Variants in CACNA1B observed in about 807,000 individuals in gnomAD.
CACNA1B encodes voltage-dependent N-type calcium channel subunit alpha-1B.
CACNA1B carries 70 observed loss-of-function variants against 247.2 expected under a neutral mutation model. The ratio of observed to expected loss-of-function variants is 0.28; its 90% confidence interval spans 0.23 to 0.35. The LOEUF is 0.35. CACNA1B is among the 10% of genes least tolerant of loss of function. The pLI is 1.00. For missense variants in CACNA1B, 2,367 were observed against 3,197.4 expected (o/e 0.74, Z 6.26); for synonymous variants, 1,231 against 1,294.4 (o/e 0.95, Z 1.05).
At position 137,880,240 on chromosome 9, in the gene CACNA1B, A is replaced by T. The variant is rs1446172160; in HGVS notation, c.390+1081A>T. Among the ~76,000 whole-genome samples the T allele has an allele frequency of 2.6e-5, 4 of 151,820 alleles. No homozygotes were observed. Among genetic ancestry groups the T allele is most frequent in the Non-Finnish European group, 5.9e-5 (4 of 67,962 alleles). On this transcript the variant is annotated intron_variant, in intron 2 of 46. Transcript: ENST00000371372. This position sits in a 1 kb window ranked among gnomAD's most constrained non-coding sequence, Gnocchi z 4.8. ...AGGTGAGTTATGGGTGGCCGAGGTG[A>T]GGAGGTCTTAATGGAGCACAGTCTG... is the stretch of plus-strand genomic sequence containing the variant.
intron 3 of CACNA1B, among the ~76,000 whole-genome samples, chr9:137,903,587 G>C (rs570144168): frequency 6.6e-6 from 1 of 152,250 alleles, no homozygotes; most frequent in East Asian, 1.9e-4. Flanking sequence ...TAGTTTTCCA[G>C]ATAGATTTTG....
intron 3 of CACNA1B, among the ~76,000 whole-genome samples, chr9:137,902,214 A>G (rs1378613468): frequency 6.6e-6 from 1 of 152,084 alleles, no homozygotes; most frequent in East Asian, 1.9e-4. Flanking sequence ...AAATTTCTCC[A>G]TTAACGTTTA....
At position 137,913,392 on chromosome 9, in the gene CACNA1B, C is replaced by A; in HGVS notation, c.622+121C>A. On this transcript the variant is annotated intron_variant, in intron 4 of 46. Transcript: ENST00000371372. The surrounding 1 kb of genome is among the most constrained non-coding windows in gnomAD (Gnocchi z 5.2). ...GTGACTCTGAGCTTGCCACTTTTGA[C>A]CCCAGGGAACCAGGCAGGAGGAAGG... 1.4e-6 allele frequency: 1 copy of A among 709,094 alleles called. No individual in the cohort carries two copies. The highest frequency in any genetic ancestry group is 2.4e-6 in the Non-Finnish European group (1 of 421,606). 43.9% of individuals were successfully genotyped at this position (709,094 alleles called of 1,614,324 possible).
Position 137,972,310 on chromosome 9 carries a change from G to T in CACNA1B, c.1543+718G>T, listed in dbSNP as rs181790848. 5.8e-4 allele frequency among the ~76,000 whole-genome samples: 89 copies of T among 152,256 alleles called. 1 individual carries two copies. Among genetic ancestry groups the T allele is most frequent in the Non-Finnish European group, 1.0e-3 (69 of 68,014 alleles). The stretch of plus-strand genomic sequence containing the variant: ...TCCACCCATGTTTTATGTCCTTTCA[G>T]GTAGTGATTCAGCCCTCCTGACCCC... On this transcript the variant is annotated intron_variant, in intron 11 of 46. Coordinates refer to ENST00000371372, the MANE Select transcript of CACNA1B (RefSeq NM_000718.4).
At chr9:138,086,137 G>T (rs2131329256) in intron 36 of CACNA1B, among the ~76,000 whole-genome samples, 1 of 151,318 alleles carries the variant, frequency 6.6e-6, no homozygotes, top group South Asian at 2.1e-4. Context: ...ACCTATAAAT[G>T]ATAACCTTAA....
At chr9:138,043,923 G>T in intron 21 of CACNA1B, 23 bp downstream of exon 21, 1 of 1,608,910 alleles carries the variant, frequency 6.2e-7, no homozygotes, top group African/African-American at 1.3e-5. Context: ...GCCTGCTGGT[G>T]TGTGTGGCCG....
At chr9:138,110,740 A>C (rs907711108) in intron 39 of CACNA1B, among the ~76,000 whole-genome samples, 1 of 152,162 alleles carries the variant, frequency 6.6e-6, no homozygotes, top group Non-Finnish European at 1.5e-5. Flanking sequence ...TCAAAACAAA[A>C]CAAAAAACCA....
At chr9:138,084,129 T>C (rs1960617877) in intron 36 of CACNA1B, among the ~76,000 whole-genome samples, 1 of 151,122 alleles carries the variant, frequency 6.6e-6, no homozygotes, top group African/African-American at 2.5e-5. Context: ...GGGAATGGCT[T>C]AGAATCAGAT....
intron 3 of CACNA1B, among the ~76,000 whole-genome samples, chr9:137,909,543 T>C (rs1385030669): frequency 4.6e-5 from 7 of 152,096 alleles, no homozygotes; most frequent in Admixed American, 4.6e-4. Context: ...GCGTCGTTCC[T>C]TTTGTGGAGG....
chr9:138,094,519 C>A (rs866796911), intron 36 of CACNA1B, among the ~76,000 whole-genome samples: 2 of 150,642 alleles, frequency 1.3e-5, no homozygotes, highest in South Asian at 4.2e-4. Context: ...GGAGGAAACA[C>A]TTCCTAACAC....
Position 137,913,486 on chromosome 9 carries a change from C to A in CACNA1B, c.622+215C>A, listed in dbSNP as rs1319545815. 6.6e-6 allele frequency among the ~76,000 whole-genome samples: 1 copy of A among 152,166 alleles called. No individual in the cohort carries two copies. Among genetic ancestry groups the A allele is most frequent in the African/African-American group, 2.4e-5 (1 of 41,434 alleles). On this transcript the variant is annotated intron_variant, in intron 4 of 46. Coordinates refer to ENST00000371372, the MANE Select transcript of CACNA1B (RefSeq NM_000718.4). The surrounding 1 kb of genome is among the most constrained non-coding windows in gnomAD (Gnocchi z 5.2). ...CCACAGGGTGATGCTGTTATTTTAC[C>A]CTGACCTGGCTTCCCTAGATGGAAG...
intron 36 of CACNA1B, among the ~76,000 whole-genome samples, chr9:138,086,270 A>G (rs2131329442): frequency 6.6e-6 from 1 of 151,382 alleles, no homozygotes; most frequent in East Asian, 2.0e-4. Context: ...ATATAGAGTG[A>G]AAGTAAAGGG....
chr9:138,099,363 A>G (rs1021658553), intron 37 of CACNA1B, among the ~76,000 whole-genome samples: 1 of 152,104 alleles, frequency 6.6e-6, no homozygotes, highest in Non-Finnish European at 1.5e-5. Flanking sequence ...ATATGTGTGC[A>G]AGTGAACTGA....
At chr9:138,096,977 C>T (rs899333026) in intron 37 of CACNA1B, among the ~76,000 whole-genome samples, 9 of 151,568 alleles carry the variant, frequency 5.9e-5, no homozygotes, top group East Asian at 5.8e-4. Context: ...TGTGAGGGCT[C>T]ATGGAGGGCT....
Position 138,105,710 on chromosome 9 carries a change from C to T in CACNA1B, c.5331C>T (p.Arg1777=), listed in dbSNP as rs1478680481. The part of the protein sequence containing the change: ...PARVAYKRLV[R]MNMPISNEDM... ...CTGCTTGTCCCTAGCGCCTGGTTCG[C>T]ATGAACATGCCCATCTCCAACGAGG... is the stretch of plus-strand genomic sequence containing the variant. Residue 1777 remains arginine (R), a synonymous_variant, in exon 39 of 47, where the codon CGC becomes CGT. Coordinates refer to ENST00000371372, the MANE Select transcript of CACNA1B (RefSeq NM_000718.4). The T allele has an allele frequency of 6.4e-7, 1 of 1,555,432 alleles. No homozygotes were observed. The highest frequency in any genetic ancestry group is 8.7e-7 in the Non-Finnish European group (1 of 1,149,400).
chr9:137,939,152 A>G (rs1436373721), intron 6 of CACNA1B, among the ~76,000 whole-genome samples: 4 of 152,224 alleles, frequency 2.6e-5, no homozygotes, highest in African/African-American at 7.2e-5. Flanking sequence ...GACAGCACTA[A>G]CAGGTCATCA....
intron 20 of CACNA1B, among the ~76,000 whole-genome samples, chr9:138,027,396 T>C (rs546148131): frequency 6.6e-6 from 1 of 152,288 alleles, no homozygotes; most frequent in South Asian, 2.1e-4. Flanking sequence ...TGATTCCCCC[T>C]TTTTTTCCGA....
chr9:138,030,966 T>C lies in CACNA1B; in HGVS notation c.3286+5794T>C, dbSNP rs189746740. On this transcript the variant is annotated intron_variant, in intron 20 of 46. Transcript: ENST00000371372. ...CTTTGTGAGTCTTACGAGGAGTTTG[T>C]ATAATTTTATTGATGTTTTCAAAGA... Among the ~76,000 whole-genome samples, 3 of 152,298 alleles carry C rather than the reference T, an allele frequency of 2.0e-5. No homozygotes were observed. In the East Asian group the frequency reaches 5.8e-4, roughly 29 times the overall value.
At chr9:137,941,291 G>T (rs1325504754) in intron 6 of CACNA1B, among the ~76,000 whole-genome samples, 1 of 152,054 alleles carries the variant, frequency 6.6e-6, no homozygotes, top group African/African-American at 2.4e-5. Flanking sequence ...AGCTGAGAAT[G>T]AAATCAAGAA....
Sources: allele counts gnomAD v4.1 joint callset (sites outside exome capture counted in the v4.1 genomes callset), GRCh38; gene constraint gnomAD v4.1.1; non-coding constraint Gnocchi (gnomAD v3.1); transcripts MANE v1.5; gene names NCBI Gene and HGNC (gene_info 2026-07-23, HGNC 2026-07-21).